UGT1A5: variants seen among roughly 807,000 people sequenced by gnomAD.
The protein encoded by UGT1A5 is UDP-glucuronosyltransferase 1A5.
Under a neutral mutation model 40.3 loss-of-function variants are expected in UGT1A5, and 29 were observed. That is an observed-to-expected ratio of 0.72 (90% CI 0.54 to 0.98). UGT1A5 has a LOEUF of 0.98. Ranked by LOEUF, UGT1A5 falls within the 50% of genes least tolerant of loss-of-function variation. The pLI is 0.00. For missense variants in UGT1A5, 678 were observed against 677.9 expected, an observed-to-expected ratio of 1.00 and a Z score of 0.00; for synonymous variants, 257 against 262.5, an observed-to-expected ratio of 0.98 and a Z score of 0.20.
At chr2:233,716,524 C>T (rs1465366179) in intron 1 of UGT1A5, among the ~76,000 whole-genome samples, 1 of 152,198 alleles carries the variant, frequency 6.6e-6, no homozygotes. Flanking sequence ...GCTTACCATT[C>T]AATTATCTCC....
intron 1 of UGT1A5, among the ~76,000 whole-genome samples, chr2:233,751,403 T>G (rs1694718342): frequency 6.6e-6 from 1 of 152,162 alleles, no homozygotes; most frequent in Admixed American, 6.5e-5. Flanking sequence ...GACTTTGGAC[T>G]ATGGACTTTT....
intron 1 of UGT1A5, among the ~76,000 whole-genome samples, chr2:233,731,327 G>A (rs538271655): frequency 1.1e-4 from 17 of 148,560 alleles, no homozygotes; most frequent in African/African-American, 4.0e-4. Context: ...GGGTACATGT[G>A]CACAAATTGC....
At chr2:233,763,992 G>T (rs1053097795) in intron 1 of UGT1A5, among the ~76,000 whole-genome samples, 85 of 152,324 alleles carry the variant, frequency 5.6e-4, no homozygotes, top group Non-Finnish European at 2.2e-4. Flanking sequence ...AATGCGTGAT[G>T]GTGAAGTCAC....
intron 1 of UGT1A5, among the ~76,000 whole-genome samples, chr2:233,737,833 T>A (rs1346055905): frequency 6.6e-6 from 1 of 152,174 alleles, no homozygotes; most frequent in African/African-American, 2.4e-5. Flanking sequence ...AATTGGGAAC[T>A]GTGGCACAGG....
chr2:233,721,859 C>T (rs1575539894), intron 1 of UGT1A5: 4 of 508,764 alleles, frequency 7.9e-6, no homozygotes, highest in Non-Finnish European at 1.6e-5. Flanking sequence ...CACTGCTCGG[C>T]CCTGGGCACA....
At chr2:233,753,836 T>C (rs1228846526) in intron 1 of UGT1A5, among the ~76,000 whole-genome samples, 5 of 152,234 alleles carry the variant, frequency 3.3e-5, no homozygotes, top group African/African-American at 1.2e-4. Context: ...AAGACAGTCC[T>C]AGTATATCAT....
At position 233,729,614 on chromosome 2, in the gene UGT1A5, A is replaced by C. The variant is rs775324088; in HGVS notation, c.867+15756A>C. 2.4e-5 allele frequency: 39 copies of C among 1,613,890 alleles called. No individual in the cohort carries two copies. Among genetic ancestry groups the C allele is most frequent in the Non-Finnish European group, 3.2e-5 (38 of 1,179,900 alleles). On this transcript the variant is annotated intron_variant, in intron 1 of 4. Transcript: ENST00000373414. Reference sequence around the variant, plus strand: ...AACCTCTGCGCGGCAGTGCTGGCTAAGTACCTGTCGATTCCTACTGTGTTT... The same window carrying C: ...AACCTCTGCGCGGCAGTGCTGGCTACGTACCTGTCGATTCCTACTGTGTTT...
chr2:233,744,974 C>T (rs1446449011), intron 1 of UGT1A5, among the ~76,000 whole-genome samples: 1 of 151,828 alleles, frequency 6.6e-6, no homozygotes. Flanking sequence ...CTTCTTTAAG[C>T]CTCTAGTCAT....
chr2:233,718,712 A>G (rs2076677466), intron 1 of UGT1A5: 1 of 1,607,000 alleles, frequency 6.2e-7, no homozygotes, highest in South Asian at 1.1e-5. Context: ...TCTTCCAATT[A>G]CATGCTGATT....
intron 1 of UGT1A5, chr2:233,743,075 T>C (rs1282774388): frequency 2.9e-6 from 1 of 344,366 alleles, no homozygotes; most frequent in Non-Finnish European, 5.7e-6. Context: ...GGTGTTGGCA[T>C]GAAGTGTTTA....
At chr2:233,756,974 T>G (rs1036999646) in intron 1 of UGT1A5, among the ~76,000 whole-genome samples, 2 of 151,942 alleles carry the variant, frequency 1.3e-5, no homozygotes, top group African/African-American at 4.8e-5. Flanking sequence ...AAGCACGCAA[T>G]GAACAGTCAT....
intron 1 of UGT1A5, among the ~76,000 whole-genome samples, chr2:233,738,304 T>C (rs762666670): frequency 6.6e-6 from 1 of 152,228 alleles, no homozygotes; most frequent in Non-Finnish European, 1.5e-5. Flanking sequence ...GGTATGTCTT[T>C]ATAGCAGTGT....
chr2:233,760,256 G>A (rs2125981290), intron 1 of UGT1A5: 1 of 1,610,940 alleles, frequency 6.2e-7, no homozygotes, highest in South Asian at 1.1e-5. Context: ...ATAAGTAGGA[G>A]AGGGCGAACC....
chr2:233,734,084 C>T (rs112644087), intron 1 of UGT1A5, among the ~76,000 whole-genome samples: 1 of 151,970 alleles, frequency 6.6e-6, no homozygotes. Flanking sequence ...TGTGCACATG[C>T]ACCCTAAAAC....
intron 1 of UGT1A5, chr2:233,740,667 G>T (rs567869462): frequency 6.6e-6 from 1 of 151,914 alleles, no homozygotes; most frequent in East Asian, 1.9e-4. Flanking sequence ...AGAAGGTACA[G>T]GTGTTTCCAT....
At chr2:233,714,796 T>C (rs2076413127) in intron 1 of UGT1A5, among the ~76,000 whole-genome samples, 1 of 152,264 alleles carries the variant, frequency 6.6e-6, no homozygotes, top group South Asian at 2.1e-4. Context: ...TTTCAAGTGC[T>C]CAATATTCAT....
chr2:233,713,998 T>A, intron 1 of UGT1A5, 140 bp downstream of exon 1: 1 of 1,554,968 alleles, frequency 6.4e-7, no homozygotes, highest in Admixed American at 1.9e-5. Flanking sequence ...TAGTCTTCAG[T>A]GAGATAAACT....
rs1019965389 is a variant in UGT1A5, at chr2:233,761,222, C to A, written c.868-5812C>A. 2.1e-5 allele frequency: 34 copies of A among 1,613,256 alleles called. No homozygotes were observed. In the African/African-American group the frequency reaches 4.4e-4, roughly 21 times the overall value. ...GTATTACTTTGGATCGATTAACTAG[C>A]CCCAGATATATGCTGAGCAAGCATT... On this transcript the variant is annotated intron_variant, in intron 1 of 4. Coordinates refer to ENST00000373414, the MANE Select transcript of UGT1A5 (RefSeq NM_019078.2).
intron 1 of UGT1A5, among the ~76,000 whole-genome samples, chr2:233,725,546 T>A (rs1230093464): frequency 2.0e-5 from 3 of 152,124 alleles, no homozygotes; most frequent in Non-Finnish European, 4.4e-5. Flanking sequence ...ATCACAAATA[T>A]TATCCTTTCA....
Sources: allele counts gnomAD v4.1 joint callset (sites outside exome capture counted in the v4.1 genomes callset), GRCh38; gene constraint gnomAD v4.1.1; transcripts MANE v1.5; gene names NCBI Gene and HGNC (gene_info 2026-07-23, HGNC 2026-07-21).